Variants in HERC3 observed in about 807,000 individuals in gnomAD.
HERC3 encodes probable E3 ubiquitin-protein ligase HERC3.
In HERC3, 58 loss-of-function variants were observed where a neutral mutation model predicts 129.9. That is an observed-to-expected ratio of 0.45 (90% CI 0.36 to 0.56). HERC3 has a LOEUF of 0.56. HERC3 is among the 20% of genes least tolerant of loss of function. HERC3 has a pLI of 0.00. For synonymous variants in HERC3, 430 were observed against 451.0 expected (o/e 0.95, Z 0.59); for missense variants, 835 against 1,244.2 (o/e 0.67, Z 4.95).
intron 3 of HERC3, among the ~76,000 whole-genome samples, chr4:88,624,558 A>G (rs886309220): frequency 6.6e-6 from 1 of 152,178 alleles, no homozygotes; most frequent in Non-Finnish European, 1.5e-5. Context: ...TATGTCCTTT[A>G]AAGAAAACCA....
chr4:88,659,856 A>G (rs564568830), intron 10 of HERC3, among the ~76,000 whole-genome samples: 1 of 152,280 alleles, frequency 6.6e-6, no homozygotes, highest in South Asian at 2.1e-4. Context: ...TATCTGATAT[A>G]TGTAACTGAT....
intron 6 of HERC3, among the ~76,000 whole-genome samples, chr4:88,653,420 T>G (rs768976088): frequency 3.9e-5 from 6 of 152,204 alleles, no homozygotes; most frequent in Non-Finnish European, 8.8e-5. Flanking sequence ...AAAATGTTCC[T>G]GTCAGAGAGA....
the HERC3 span, among the ~76,000 whole-genome samples, chr4:88,579,250 T>C: frequency 1.3e-5 from 2 of 149,482 alleles, no homozygotes; most frequent in African/African-American, 4.9e-5. Flanking sequence ...TATATATATA[T>C]ATGAAAGTTA....
At chr4:88,596,115 T>C (rs6813672) in intron 2 of HERC3, among the ~76,000 whole-genome samples, 40,148 of 151,978 alleles carry the variant, frequency 0.26, 9,857 homozygotes, top group African/African-American at 0.64. Flanking sequence ...TTCCAAAGTG[T>C]TAGGATTACA....
chr4:88,541,738 C>G, the HERC3 span, among the ~76,000 whole-genome samples: 1 of 152,194 alleles, frequency 6.6e-6, no homozygotes, highest in Non-Finnish European at 1.5e-5. Context: ...GAAATCACAA[C>G]AAACTGTCTC....
chr4:88,685,138 T>G (rs868372667), intron 21 of HERC3, among the ~76,000 whole-genome samples: 2 of 152,202 alleles, frequency 1.3e-5, no homozygotes, highest in African/African-American at 4.8e-5. Context: ...GCTTTTACAC[T>G]GTTGGTGGGA....
chr4:88,591,485 T>A (rs529968416), upstream of HERC3, among the ~76,000 whole-genome samples: 5 of 152,182 alleles, frequency 3.3e-5, no homozygotes, highest in Non-Finnish European at 7.4e-5. Context: ...GAATCTATCC[T>A]CAAAGGGCCT....
chr4:88,632,013 AT>A lies in HERC3; in HGVS notation c.227-17821del, dbSNP rs373736453. Among the ~76,000 whole-genome samples, 35 of 152,250 alleles carry A rather than the reference AT, an allele frequency of 2.3e-4. No homozygotes were observed. The South Asian group carries it at 3.1e-3, about 14-fold the overall frequency. On this transcript the variant is annotated intron_variant, in intron 3 of 25. Transcript: ENST00000402738. ...CCACTAAGCTGGCAATGAGATTACC[AT>A]TTTTTCCCCTCTTATCATCCTGCCA...
At chr4:88,698,075 A>G (rs1734858800) in intron 23 of HERC3, among the ~76,000 whole-genome samples, 1 of 152,110 alleles carries the variant, frequency 6.6e-6, no homozygotes, top group South Asian at 2.1e-4. Context: ...TGGGAGTGTC[A>G]GTAGCTGCCC....
At position 88,683,812 on chromosome 4, in the gene HERC3, C is replaced by T. The variant is rs150272855; in HGVS notation, c.2507+2487C>T. Among the ~76,000 whole-genome samples the T allele has an allele frequency of 2.0e-4, 30 of 152,308 alleles. No individual in the cohort carries two copies. In the East Asian group the frequency reaches 3.5e-3, roughly 18 times the overall value. ...GTTTTTACCAAGCTTGTCTAACCCTCGGCCTGCAGGCTGTGTGTGGTCCAG... is the reference window on the plus strand; with the variant it reads ...GTTTTTACCAAGCTTGTCTAACCCTTGGCCTGCAGGCTGTGTGTGGTCCAG... On this transcript the variant is annotated intron_variant, in intron 21 of 25. Transcript: ENST00000402738.
the HERC3 span, among the ~76,000 whole-genome samples, chr4:88,546,463 C>CTTTT: frequency 6.6e-6 from 1 of 152,000 alleles, no homozygotes; most frequent in East Asian, 1.9e-4. Flanking sequence ...CTTTTATATA[C>CTTTT]TTTTTTAGTT....
the HERC3 span, among the ~76,000 whole-genome samples, chr4:88,582,771 A>G: frequency 3.3e-5 from 5 of 152,244 alleles, 1 homozygote; most frequent in African/African-American, 1.2e-4. Context: ...CCTTCCTGTA[A>G]CTTGCTGCCA....
chr4:88,638,489 C>T (rs1179442473), intron 3 of HERC3, among the ~76,000 whole-genome samples: 3 of 152,118 alleles, frequency 2.0e-5, no homozygotes, highest in Admixed American at 2.0e-4. Flanking sequence ...AATGATAAAA[C>T]CATATGATTA....
At chr4:88,541,813 C>T in the HERC3 span, among the ~76,000 whole-genome samples, 60 of 152,302 alleles carry the variant, frequency 3.9e-4, 1 homozygote, top group African/African-American at 1.4e-3. Context: ...CGCACAACTA[C>T]ATGGAAACTG....
In HERC3 at chr4:88,673,872, T is replaced by G. The variant is rs140081250; in HGVS notation, c.1912-2346T>G. Among the ~76,000 whole-genome samples the G allele has an allele frequency of 8.6e-3, 1,316 of 152,342 alleles. 22 individuals are homozygous for G. Among genetic ancestry groups the G allele is most frequent in the African/African-American group, 0.03 (1,252 of 41,578 alleles). On this transcript the variant is annotated intron_variant, in intron 16 of 25. Coordinates refer to ENST00000402738, the MANE Select transcript of HERC3 (RefSeq NM_014606.3). ...TTTGACTGAATATCGCTCCATCCTT[T>G]GCCTTCCTTAGAGTTGGCACTTCTG...
At chr4:88,561,792 T>A in the HERC3 span, among the ~76,000 whole-genome samples, 6 of 152,030 alleles carry the variant, frequency 3.9e-5, no homozygotes, top group East Asian at 1.2e-3. Context: ...GTTTATTTCA[T>A]TTAACATAAT....
chr4:88,575,993 T>G, the HERC3 span, among the ~76,000 whole-genome samples: 3 of 152,344 alleles, frequency 2.0e-5, no homozygotes, highest in South Asian at 6.2e-4. Flanking sequence ...AACTTGTTCC[T>G]TCCTCAATCG....
intron 3 of HERC3, among the ~76,000 whole-genome samples, chr4:88,624,482 C>T (rs915457465): frequency 6.6e-6 from 1 of 152,190 alleles, no homozygotes; most frequent in African/African-American, 2.4e-5. Flanking sequence ...TGAACTTGAA[C>T]AGCTTTTCTT....
chr4:88,540,964 A>G, the HERC3 span, among the ~76,000 whole-genome samples: 15 of 152,226 alleles, frequency 9.9e-5, no homozygotes, highest in Admixed American at 2.6e-4. Context: ...GAAAGGAACA[A>G]CCAGTACCAG....
Sources: gnomAD v4.1 joint callset for allele counts (sites outside exome capture counted in the v4.1 genomes callset) on GRCh38, gnomAD v4.1.1 for gene constraint, MANE v1.5 for transcripts, NCBI Gene and HGNC (gene_info 2026-07-23, HGNC 2026-07-21) for gene names.